Variants in MACROD2 observed in about 807,000 individuals in gnomAD.
MACROD2 encodes the protein mono-ADP ribosylhydrolase 2, also known as ADP-ribose glycohydrolase MACROD2.
MACROD2 carries 36 observed loss-of-function variants against 70.4 expected under a neutral mutation model. That is an observed-to-expected ratio of 0.51 (90% CI 0.39 to 0.68). MACROD2 has a LOEUF of 0.68. Among genes scored for constraint, MACROD2 ranks in the 30% least tolerant of loss-of-function variants. The probability of loss-of-function intolerance (pLI) is 0.00; values close to 1 mark genes in which losing one functional copy is unlikely to be tolerated. For missense variants in MACROD2, 496 were observed against 538.4 expected, an observed-to-expected ratio of 0.92 and a Z score of 0.78; for synonymous variants, 172 against 178.8, an observed-to-expected ratio of 0.96 and a Z score of 0.30.
At chr20:14,426,741 T>G (rs1190286234) in intron 3 of MACROD2, among the ~76,000 whole-genome samples, 2 of 152,026 alleles carry the variant, frequency 1.3e-5, no homozygotes, top group African/African-American at 4.8e-5. Context: ...GTGGAGGGAG[T>G]ACCTAGCATC....
chr20:15,044,343 G>A (rs2075377184), intron 5 of MACROD2, among the ~76,000 whole-genome samples: 1 of 152,188 alleles, frequency 6.6e-6, no homozygotes, highest in Non-Finnish European at 1.5e-5. Flanking sequence ...ACTGGGGACT[G>A]AATATATATT....
chr20:14,413,069 A>T (rs903542116), intron 3 of MACROD2, among the ~76,000 whole-genome samples: 1 of 152,112 alleles, frequency 6.6e-6, no homozygotes, highest in Admixed American at 6.6e-5. Context: ...GCCATAGCCT[A>T]CTATTACCAC....
intron 4 of MACROD2, among the ~76,000 whole-genome samples, chr20:14,564,780 T>G (rs193217461): frequency 1.3e-5 from 2 of 152,044 alleles, no homozygotes; most frequent in African/African-American, 2.4e-5. Flanking sequence ...ACTGTGGAGA[T>G]TTCTCAAAGA....
chr20:14,135,019 C>T (rs1319048486), intron 3 of MACROD2, among the ~76,000 whole-genome samples: 1 of 151,922 alleles, frequency 6.6e-6, no homozygotes, highest in Non-Finnish European at 1.5e-5. Flanking sequence ...TTAATTATTT[C>T]AGGGTTTCAT....
intron 5 of MACROD2, among the ~76,000 whole-genome samples, chr20:14,698,369 GT>G (rs2071151494): frequency 6.6e-6 from 1 of 152,112 alleles, no homozygotes; most frequent in Non-Finnish European, 1.5e-5. Flanking sequence ...CGGGAAATAG[GT>G]ATGACAATCA....
Position 15,693,311 on chromosome 20 carries a change from C to T in MACROD2, c.646-169434C>T, listed in dbSNP as rs145553614. ...ATTGGTTTCTCTGTGAAACAGAGCC[C>T]AGTCACTTTATCTCTCTGCGCTTCA... is the stretch of plus-strand genomic sequence containing the variant. On this transcript the variant is annotated intron_variant, in intron 8 of 17. Coordinates refer to ENST00000684519, the MANE Select transcript of MACROD2 (RefSeq NM_001351661.2). Among the ~76,000 whole-genome samples the T allele has an allele frequency of 7.6e-3, 1,153 of 152,278 alleles. 8 individuals carry two copies. The highest frequency in any genetic ancestry group is 0.027 in the African/African-American group (1,107 of 41,560).
At chr20:15,408,412 G>A (rs1008615987) in intron 6 of MACROD2, among the ~76,000 whole-genome samples, 4 of 152,196 alleles carry the variant, frequency 2.6e-5, no homozygotes, top group Non-Finnish European at 5.9e-5. Context: ...GTTTGTACAA[G>A]ACAGAATAAA....
intron 8 of MACROD2, among the ~76,000 whole-genome samples, chr20:15,682,107 G>A (rs961712527): frequency 6.6e-6 from 1 of 152,136 alleles, no homozygotes; most frequent in African/African-American, 2.4e-5. Flanking sequence ...CCACCTATGG[G>A]ATTAAGTAAG....
intron 15 of MACROD2, among the ~76,000 whole-genome samples, chr20:16,001,786 A>T (rs1024542144): frequency 6.6e-6 from 1 of 152,168 alleles, no homozygotes; most frequent in African/African-American, 2.4e-5. Flanking sequence ...TAGTTCATAA[A>T]GTAAAAATAT....
intron 5 of MACROD2, among the ~76,000 whole-genome samples, chr20:15,089,681 C>T (rs76480343): frequency 0.035 from 5,281 of 152,180 alleles, 157 homozygotes; most frequent in South Asian, 0.14. Context: ...TCCCTTTGCC[C>T]TTGAGTCCTG....
chr20:14,898,343 T>A (rs2073854867), intron 5 of MACROD2, among the ~76,000 whole-genome samples: 1 of 152,080 alleles, frequency 6.6e-6, no homozygotes, highest in Non-Finnish European at 1.5e-5. Flanking sequence ...AAATTCCAAA[T>A]AAATTTAAGC....
At chr20:15,581,770 C>T (rs1194549277) in intron 8 of MACROD2, among the ~76,000 whole-genome samples, 1 of 152,184 alleles carries the variant, frequency 6.6e-6, no homozygotes, top group Non-Finnish European at 1.5e-5. Flanking sequence ...CTGTTGCCAG[C>T]TCTGCAGTTG....
At chr20:14,312,732 T>A (rs980346251) in intron 3 of MACROD2, among the ~76,000 whole-genome samples, 2 of 152,236 alleles carry the variant, frequency 1.3e-5, no homozygotes, top group African/African-American at 4.8e-5. Flanking sequence ...ATACTTTTAG[T>A]ACTTTTAATT....
At chr20:15,139,944 AAG>A (rs2076179325) in intron 5 of MACROD2, among the ~76,000 whole-genome samples, 2 of 152,206 alleles carry the variant, frequency 1.3e-5, no homozygotes, top group Admixed American at 6.5e-5. Context: ...CAACTGAAAA[AAG>A]AGCCACTTGA....
intron 5 of MACROD2, among the ~76,000 whole-genome samples, chr20:15,156,560 C>G (rs1309391091): frequency 1.3e-5 from 2 of 152,132 alleles, no homozygotes; most frequent in Non-Finnish European, 2.9e-5. Flanking sequence ...TTTGCACCTT[C>G]AAGTTAATTA....
At chr20:15,242,144 G>A (rs2077065685) in intron 6 of MACROD2, among the ~76,000 whole-genome samples, 1 of 152,134 alleles carries the variant, frequency 6.6e-6, no homozygotes, top group Admixed American at 6.6e-5. Flanking sequence ...CTACATCACT[G>A]CTATGGTATT....
chr20:14,548,440 C>T (rs201408841), intron 4 of MACROD2, among the ~76,000 whole-genome samples: 1 of 14,700 alleles, frequency 6.8e-5, no homozygotes, highest in African/African-American at 1.4e-4. Context: ...ATTATCTGGC[C>T]GGGCGCGGTG....
chr20:15,639,810 A>G (rs2049427625), intron 8 of MACROD2, among the ~76,000 whole-genome samples: 1 of 152,054 alleles, frequency 6.6e-6, no homozygotes, highest in South Asian at 2.1e-4. Flanking sequence ...GAGTGGGGGG[A>G]AAGAGAAAAG....
intron 3 of MACROD2, among the ~76,000 whole-genome samples, chr20:14,179,655 A>G (rs1301716177): frequency 1.3e-5 from 2 of 152,172 alleles, no homozygotes; most frequent in Non-Finnish European, 2.9e-5. Flanking sequence ...TTAAAACACA[A>G]TAGACATATG....
Sources: gnomAD v4.1 joint callset for allele counts (sites outside exome capture counted in the v4.1 genomes callset) on GRCh38, gnomAD v4.1.1 for gene constraint, MANE v1.5 for transcripts, NCBI Gene and HGNC (gene_info 2026-07-23, HGNC 2026-07-21) for gene names.